Variants in KCNJ6 observed in about 807,000 individuals in gnomAD.
The protein encoded by KCNJ6 is G protein-activated inward rectifier potassium channel 2.
A neutral mutation model predicts 34.2 loss-of-function variants in KCNJ6; 9 were observed. The ratio of observed to expected loss-of-function variants is 0.26; its 90% CI spans 0.16 to 0.46. The LOEUF is 0.46. Among genes scored for constraint, KCNJ6 ranks in the 20% least tolerant of loss-of-function variants. KCNJ6 has a pLI of 1.00. For synonymous variants in KCNJ6, 196 were observed against 207.1 expected, an observed-to-expected ratio of 0.95 and a Z score of 0.46; for missense variants, 236 against 531.3, an observed-to-expected ratio of 0.44 and a Z score of 5.46.
Position 37,859,487 on chromosome 21 carries a change from T to TATATATATATATATATA in KCNJ6, c.-27-18779_-27-18778insTATATATATATATATAT, listed in dbSNP as rs2055582251. On this transcript the variant is annotated intron_variant, in intron 1 of 3. Coordinates refer to ENST00000609713, the MANE Select transcript of KCNJ6 (RefSeq NM_002240.5). ...ATTTTAACTATGGGCTTATATTACT[T>TATATATATATATATATA]TATATATATATATATATATATATAT... Among the ~76,000 whole-genome samples the TATATATATATATATATA allele has an allele frequency of 9.5e-5, 8 of 84,298 alleles. 1 individual carries two copies. The highest frequency in any genetic ancestry group is 4.2e-4 in the African/African-American group (7 of 16,628). The allele number at this position is 84,298 out of a possible 152,430, so 55.3% of individuals were successfully genotyped here. A position where few individuals can be genotyped will look rare whatever the true frequency, so the allele number is the denominator to read the frequency against.
At chr21:37,722,177 A>G (rs906347805) in intron 2 of KCNJ6, among the ~76,000 whole-genome samples, 1 of 152,244 alleles carries the variant, frequency 6.6e-6, no homozygotes, top group Non-Finnish European at 1.5e-5. Context: ...GAGCTGAATC[A>G]AGAATAAAAT....
chr21:37,648,433 T>C (rs1002051729), intron 3 of KCNJ6, among the ~76,000 whole-genome samples: 1 of 152,236 alleles, frequency 6.6e-6, no homozygotes, highest in East Asian at 1.9e-4. Flanking sequence ...GCACACGTTA[T>C]AGACATCAAC....
intron 2 of KCNJ6, among the ~76,000 whole-genome samples, chr21:37,768,350 T>C (rs188071996): frequency 1.7e-4 from 26 of 152,304 alleles, no homozygotes; most frequent in Admixed American, 6.5e-4. Flanking sequence ...ACATTAATGA[T>C]AACATAAGAG....
At chr21:37,774,908 C>A (rs2055134983) in intron 2 of KCNJ6, among the ~76,000 whole-genome samples, 1 of 152,126 alleles carries the variant, frequency 6.6e-6, no homozygotes, top group Admixed American at 6.5e-5. Context: ...AGTTATAGAT[C>A]CCTGAGGAAT....
chr21:37,645,902 TC>T (rs1484439393), intron 3 of KCNJ6, among the ~76,000 whole-genome samples: 3 of 208 alleles, frequency 0.014, no homozygotes, highest in African/African-American at 0.021. Flanking sequence ...CCTCACTTCT[TC>T]GGACTTAACA....
intron 3 of KCNJ6, among the ~76,000 whole-genome samples, chr21:37,628,966 A>G (rs2054322504): frequency 6.6e-6 from 1 of 152,246 alleles, no homozygotes; most frequent in African/African-American, 2.4e-5. Context: ...ATGAAGGAGA[A>G]ATGAAGCCAT....
In KCNJ6 at chr21:37,810,129, GCACA is replaced by G. The variant is rs145413384; in HGVS notation, c.25+30525_25+30528del. Among the ~76,000 whole-genome samples, 3 of 151,550 alleles carry G rather than the reference GCACA, an allele frequency of 2.0e-5. No individual in the cohort carries two copies. In the East Asian group the frequency reaches 5.8e-4, roughly 29 times the overall value. ...GATTATAAACAACACCTGTGTGCAT[GCACA>G]CACACACACAAACACACAAAATTTT... On this transcript the variant is annotated intron_variant, in intron 2 of 3. Coordinates refer to ENST00000609713, the MANE Select transcript of KCNJ6 (RefSeq NM_002240.5).
chr21:37,783,384 T>C (rs1176476235), intron 2 of KCNJ6, among the ~76,000 whole-genome samples: 2 of 152,192 alleles, frequency 1.3e-5, no homozygotes, highest in African/African-American at 4.8e-5. Flanking sequence ...CCTGTTCTCA[T>C]GGTAGTGAAT....
rs137922525 is a variant in KCNJ6 at position 37,909,222 on chromosome 21, T to C, written c.-28+6662A>G. ...TCTATTTTGTTAAATTAGTGAGATT[T>C]AGATATTTTCTGTTTCAAGAACTTT... is the stretch of plus-strand genomic sequence containing the variant. On this transcript the variant is annotated intron_variant, in intron 1 of 3. Transcript: ENST00000609713. 2.5e-3 allele frequency among the ~76,000 whole-genome samples: 381 copies of C among 152,352 alleles called. 2 individuals carry two copies. Among genetic ancestry groups the C allele is most frequent in the Middle Eastern group, 0.02 (6 of 294 alleles).
chr21:37,842,732 AC>A (rs3838098), intron 1 of KCNJ6, among the ~76,000 whole-genome samples: 52,935 of 152,090 alleles, frequency 0.35, 9,514 homozygotes, highest in African/African-American at 0.45. Context: ...GGAGCCTCTT[AC>A]CACAATGCCG....
At chr21:37,804,411 T>C (rs2055283770) in intron 2 of KCNJ6, among the ~76,000 whole-genome samples, 1 of 152,246 alleles carries the variant, frequency 6.6e-6, no homozygotes, top group Non-Finnish European at 1.5e-5. Flanking sequence ...CTATTCTTTT[T>C]TAATTTTTAT....
intron 2 of KCNJ6, among the ~76,000 whole-genome samples, chr21:37,755,832 C>G (rs1047509641): frequency 1.8e-4 from 27 of 152,180 alleles, no homozygotes; most frequent in African/African-American, 6.5e-4. Context: ...TGGAGGCTGC[C>G]CCTTTCCCCA....
chr21:37,890,138 A>T (rs1246747919), intron 1 of KCNJ6, among the ~76,000 whole-genome samples: 1 of 152,234 alleles, frequency 6.6e-6, no homozygotes. Context: ...ATTGACTCAC[A>T]GTTCAGCATG....
At chr21:37,855,302 G>A (rs1056938017) in intron 1 of KCNJ6, among the ~76,000 whole-genome samples, 5 of 152,114 alleles carry the variant, frequency 3.3e-5, no homozygotes, top group Admixed American at 2.0e-4. Flanking sequence ...TTTGGAGTAC[G>A]ATGTGGTTTT....
In KCNJ6 at chr21:37,615,951, C is replaced by T. The variant is rs1430681029; in HGVS notation, c.*9208G>A. On this transcript the variant is annotated 3_prime_UTR_variant, in exon 4 of 4. Transcript: ENST00000609713. ...AGCCTTTTAAGAAGCAATTTGGCCA[C>T]CTAAGTGCATCCCATCTTAGGAAGA... 2 of 152,232 alleles carry T rather than the reference C, an allele frequency of 1.3e-5. No homozygotes were observed. The highest frequency in any genetic ancestry group is 4.8e-5 in the African/African-American group (2 of 41,454). 9.4% of individuals were successfully genotyped at this position (152,232 alleles called of 1,614,324 possible). A position where few individuals can be genotyped will look rare whatever the true frequency, so the allele number is the denominator to read the frequency against.
chr21:37,630,513 T>G (rs1036213941), intron 3 of KCNJ6, among the ~76,000 whole-genome samples: 3 of 152,176 alleles, frequency 2.0e-5, no homozygotes, highest in Non-Finnish European at 4.4e-5. Context: ...TATTATTAAA[T>G]AAAAAGATGG....
chr21:37,743,840 A>C (rs2054953322), intron 2 of KCNJ6, among the ~76,000 whole-genome samples: 1 of 152,088 alleles, frequency 6.6e-6, no homozygotes, highest in Admixed American at 6.5e-5. Context: ...TACACCATTA[A>C]AAAAACCCCT....
chr21:37,914,045 G>GTC (rs2055881278), intron 1 of KCNJ6, among the ~76,000 whole-genome samples: 1 of 150,236 alleles, frequency 6.7e-6, no homozygotes. Context: ...GTGTGTGTGT[G>GTC]TGTGTCTGTG....
chr21:37,768,354 A>G (rs1408336617), intron 2 of KCNJ6, among the ~76,000 whole-genome samples: 1 of 152,218 alleles, frequency 6.6e-6, no homozygotes, highest in African/African-American at 2.4e-5. Flanking sequence ...TAATGATAAC[A>G]TAAGAGAATG....
Sources: allele counts gnomAD v4.1 joint callset (sites outside exome capture counted in the v4.1 genomes callset), GRCh38; gene constraint gnomAD v4.1.1; transcripts MANE v1.5; gene names NCBI Gene and HGNC (gene_info 2026-07-23, HGNC 2026-07-21).